CDK10: variants seen among roughly 807,000 people sequenced by gnomAD.
The protein encoded by CDK10 is cyclin-dependent kinase 10.
In CDK10, 55 loss-of-function variants were observed where a neutral mutation model predicts 51.0. The observed-to-expected ratio is 1.08, with a 90% CI of 0.87 to 1.35. The LOEUF is 1.35. Ranked by LOEUF, CDK10 falls within the 40% of genes most tolerant of loss-of-function variation. CDK10 has a pLI of 0.00. For missense variants in CDK10, 589 were observed against 485.1 expected (o/e 1.21, Z -2.01); for synonymous variants, 255 against 199.1 (o/e 1.28, Z -2.36).
intron 9 of CDK10, 30 bp from the exon 10 acceptor site, chr16:89,694,635 G>A (rs2151595222): frequency 2.5e-6 from 4 of 1,571,878 alleles, no homozygotes. Flanking sequence ...GCAGACGTCT[G>A]GCCGCAGTGA....
At chr16:89,689,209 T>C in intron 1 of CDK10, 43 bp from the exon 2 acceptor site, 1 of 1,582,386 alleles carries the variant, frequency 6.3e-7, no homozygotes. Flanking sequence ...AGTTGTTCCA[T>C]CAGCTGCCAA....
chr16:89,691,675 G>T (rs185171164), intron 4 of CDK10, 130 bp downstream of exon 4: 5 of 1,198,938 alleles, frequency 4.2e-6, no homozygotes, highest in Non-Finnish European at 6.1e-6. Context: ...CCACCTCACC[G>T]CCTGGCTCAG....
chr16:89,692,639 C>A (rs2060503457), intron 6 of CDK10, 123 bp downstream of exon 6: 2 of 607,708 alleles, frequency 3.3e-6, no homozygotes, highest in Admixed American at 3.7e-5. Flanking sequence ...TGCTCGCACT[C>A]CATTTGTGTT....
At chr16:89,686,936 C>G in intron 1 of CDK10, 139 bp downstream of exon 1, 1 of 689,166 alleles carries the variant, frequency 1.5e-6, no homozygotes, top group Non-Finnish European at 2.3e-6. Flanking sequence ...TTCCCCGCGG[C>G]GGGGGCGGAA....
chr16:89,694,590 A>T, intron 9 of CDK10, 75 bp from the exon 10 acceptor site: 5 of 1,543,516 alleles, frequency 3.2e-6, no homozygotes, highest in Non-Finnish European at 4.3e-6. Context: ...GTCTGGCTGC[A>T]GTCAGGTCCT....
chr16:89,691,765 G>C, intron 4 of CDK10, 41 bp from the exon 5 acceptor site: 1 of 1,584,044 alleles, frequency 6.3e-7, no homozygotes, highest in Middle Eastern at 1.7e-4. Context: ...CACCCCTTAG[G>C]AGAAGGCCGG....
At chr16:89,692,585 G>GCTT in intron 6 of CDK10, 69 bp downstream of exon 6, 1 of 1,213,622 alleles carries the variant, frequency 8.2e-7, no homozygotes, top group Non-Finnish European at 1.1e-6. Context: ...CCCCTGTGGA[G>GCTT]TTACTAAAAG....
At chr16:89,687,514 G>A (rs1015348435) in intron 1 of CDK10, 40 of 456,096 alleles carry the variant, frequency 8.8e-5, no homozygotes, top group Middle Eastern at 3.2e-4. Context: ...CGCTCACCGC[G>A]TTGAGAGCCG....
intron 3 of CDK10, 116 bp from the exon 4 acceptor site, chr16:89,691,327 A>C (rs991758100): frequency 4.4e-5 from 29 of 658,178 alleles, no homozygotes; most frequent in Non-Finnish European, 6.5e-5. Context: ...ATTCTCCCTG[A>C]GGTGGGGACA....
In CDK10 at chr16:89,695,781, C is replaced by CG; in HGVS notation, c.*90dup. ...GGTGCCGCGAGCCAGGCTGACCAGGCGCCCGGGATCCAGCTCATCCCCTTG... is the reference window on the plus strand; with the variant it reads ...GGTGCCGCGAGCCAGGCTGACCAGGCGGCCCGGGATCCAGCTCATCCCCTTG... On this transcript the variant is annotated 3_prime_UTR_variant, in exon 13 of 13. Coordinates refer to ENST00000353379, the MANE Select transcript of CDK10 (RefSeq NM_052988.5). 1 of 1,577,496 alleles carries CG rather than the reference C, an allele frequency of 6.3e-7. No individual in the cohort carries two copies. The highest frequency in any genetic ancestry group is 1.3e-5 in the African/African-American group (1 of 74,604).
intron 2 of CDK10, 95 bp from the exon 3 acceptor site, chr16:89,690,458 G>T (rs2151570330): frequency 9.7e-7 from 1 of 1,035,168 alleles, no homozygotes; most frequent in South Asian, 1.3e-5. Flanking sequence ...GAAAGAACGG[G>T]GACCCCTGTG....
rs1257045135 is a variant in CDK10 at position 89,694,865 on chromosome 16, G to A, written c.793-66G>A. 3.5e-6 allele frequency: 5 copies of A among 1,436,608 alleles called. No individual in the cohort carries two copies. The East Asian group carries it at 9.5e-5, about 27-fold the overall frequency. 89.0% of individuals were successfully genotyped at this position (1,436,608 alleles called of 1,614,324 possible). The stretch of plus-strand genomic sequence containing the variant: ...GCCCGCAGCCCCCGCCCGTGCCCAC[G>A]CCCTCTGCGCCCGCAGCCCCCGCCC... On this transcript the variant is annotated intron_variant, in intron 10 of 12. Transcript: ENST00000353379.
chr16:89,687,451 C>A (rs181227741), intron 1 of CDK10: 2 of 455,778 alleles, frequency 4.4e-6, no homozygotes, highest in African/African-American at 2.0e-5. Context: ...ATTAACAGAT[C>A]GTGGCTGGAT....
intron 1 of CDK10, among the ~76,000 whole-genome samples, chr16:89,688,779 C>G (rs569357219): frequency 1.3e-5 from 2 of 152,162 alleles, no homozygotes; most frequent in Non-Finnish European, 2.9e-5. Flanking sequence ...AGCATTGGCC[C>G]AGTATCGTCA....
At chr16:89,693,601 T>C (rs1056511146) in intron 8 of CDK10, 134 bp downstream of exon 8, 5 of 875,318 alleles carry the variant, frequency 5.7e-6, no homozygotes, top group East Asian at 2.6e-5. Context: ...CTCAGAAACG[T>C]TGGGTCTAGG....
At chr16:89,693,933 G>A (rs1022392111) in intron 8 of CDK10, 1 of 599,742 alleles carries the variant, frequency 1.7e-6, no homozygotes, top group East Asian at 2.8e-5. Context: ...GGCTGGTGTG[G>A]CTGTGTGCCG....
In CDK10 at chr16:89,695,684, A is replaced by G. The variant is rs764352611; in HGVS notation, c.1075A>G (p.Lys359Glu). 2 of 1,597,528 alleles carry G rather than the reference A, an allele frequency of 1.3e-6. No homozygotes were observed. Among genetic ancestry groups the G allele is most frequent in the Non-Finnish European group, 8.5e-7 (1 of 1,174,242 alleles). The change falls in exon 13 of 13, where the codon AAA (lysine) becomes GAA (glutamate). Residue 359 changes from lysine to glutamate, a missense_variant. Lys to Glu is a moderately conservative substitution (Grantham distance 56, BLOSUM62 1). Coordinates refer to ENST00000353379, the MANE Select transcript of CDK10 (RefSeq NM_052988.5). ...CTCCGAGGGCCAGAGCAAGCGCTGT[A>G]AACCCTGACGGTGGGCCTGGCACAC... ...ATSEGQSKRC[K>E]P
At position 89,692,735 on chromosome 16, in the gene CDK10, T is replaced by TC. The variant is rs1421604878; in HGVS notation, c.485+222dup. 9.9e-6 allele frequency: 4 copies of TC among 402,012 alleles called. No individual in the cohort carries two copies. In the East Asian group the frequency reaches 1.6e-4, roughly 16 times the overall value. The allele number at this position is 402,012 out of a possible 1,614,324, so 24.9% of individuals were successfully genotyped here. On this transcript the variant is annotated intron_variant, in intron 6 of 12. Transcript: ENST00000353379. The stretch of plus-strand genomic sequence containing the variant: ...CTCAAGTGATCCACCCACCTTGGCC[T>TC]CCCAAAGTGCTGGGATTACAGGTGG...
At position 89,690,599 on chromosome 16, in the gene CDK10, G is replaced by A. The variant is rs199751135; in HGVS notation, c.207G>A (p.Lys69=). The change falls in exon 3 of 13, where the codon AAG becomes AAA. Residue 69 remains lysine, a synonymous_variant. Transcript: ENST00000353379. ...TQTDEIVALK[K]VRMDKEKDGI... is the part of the protein sequence containing the mutation. ...CAGATGAGATTGTCGCACTGAAGAA[G>A]GTGCGGATGGACAAGGAGAAGGATG... 43 of 1,614,106 alleles carry A rather than the reference G, an allele frequency of 2.7e-5. No homozygotes were observed. In the East Asian group the frequency reaches 8.7e-4, roughly 33 times the overall value.
Sources: allele counts gnomAD v4.1 joint callset (sites outside exome capture counted in the v4.1 genomes callset), GRCh38; gene constraint gnomAD v4.1.1; transcripts MANE v1.5; gene names NCBI Gene and HGNC (gene_info 2026-07-23, HGNC 2026-07-21).